AKAP6: variants seen among roughly 807,000 people sequenced by gnomAD.
The protein encoded by AKAP6 is A-kinase anchor protein 6.
In AKAP6, 58 loss-of-function variants were observed where a neutral mutation model predicts 188.5. The ratio of observed to expected loss-of-function variants is 0.31; its 90% CI spans 0.25 to 0.38. The LOEUF (loss-of-function observed/expected upper bound fraction) is 0.38. AKAP6 is among the 10% of genes least tolerant of loss of function. The pLI is 1.00. For synonymous variants in AKAP6, 989 were observed against 998.6 expected (o/e 0.99, Z 0.18); for missense variants, 2,710 against 2,740.0 (o/e 0.99, Z 0.24).
chr14:32,691,421 T>C (rs1246071759), intron 8 of AKAP6, among the ~76,000 whole-genome samples: 1 of 152,180 alleles, frequency 6.6e-6, no homozygotes, highest in Non-Finnish European at 1.5e-5. Context: ...AAACACACCT[T>C]TGCAGCTAAT....
At chr14:32,477,623 A>G (rs112944041) in intron 2 of AKAP6, among the ~76,000 whole-genome samples, 3 of 152,346 alleles carry the variant, frequency 2.0e-5, no homozygotes, top group East Asian at 1.9e-4. Context: ...ACGGTGTTGT[A>G]TCACCGACTT....
intron 12 of AKAP6, among the ~76,000 whole-genome samples, chr14:32,787,963 C>T (rs941332282): frequency 1.4e-5 from 2 of 147,902 alleles, no homozygotes; most frequent in Non-Finnish European, 3.0e-5. Context: ...ACTGCTTGAG[C>T]CCAGGAGTTC....
At chr14:32,490,160 A>C (rs562354793) in intron 2 of AKAP6, among the ~76,000 whole-genome samples, 1 of 150,484 alleles carries the variant, frequency 6.6e-6, no homozygotes, top group Non-Finnish European at 1.5e-5. Context: ...GGCAGAACAA[A>C]TCACAATGGT....
chr14:32,372,612 C>T (rs1594551666), intron 1 of AKAP6, among the ~76,000 whole-genome samples: 1 of 150,052 alleles, frequency 6.7e-6, no homozygotes, highest in East Asian at 2.0e-4. Context: ...GAGGAACTGG[C>T]AAGATTCAGA....
In AKAP6 at chr14:32,678,379, C is replaced by T. The variant is rs1889525746; in HGVS notation, c.2799C>T (p.Tyr933=). 2.5e-6 allele frequency: 4 copies of T among 1,613,870 alleles called. No individual in the cohort carries two copies. The highest frequency in any genetic ancestry group is 2.2e-5 in the South Asian group (2 of 91,066). The change falls in exon 8 of 14, where the codon TAC becomes TAT. Residue 933 remains tyrosine (Y), a synonymous_variant. Coordinates refer to ENST00000280979, the MANE Select transcript of AKAP6 (RefSeq NM_004274.5). ...TTGAGCAGATGTCCCTCAAGCTGTA[C>T]AGCGAGCAGTATACCAGCAGCAGCA... ...DAVEQMSLKL[Y]SEQYTSSSKR... is the part of the protein sequence containing the mutation.
chr14:32,501,399 G>C (rs1018584201), intron 2 of AKAP6, among the ~76,000 whole-genome samples: 22 of 152,046 alleles, frequency 1.4e-4, no homozygotes, highest in African/African-American at 5.3e-4. Context: ...TCAGAATCCA[G>C]TCAGCAGACA....
intron 4 of AKAP6, among the ~76,000 whole-genome samples, chr14:32,563,569 T>A (rs889725863): frequency 2.0e-5 from 3 of 152,144 alleles, no homozygotes; most frequent in South Asian, 4.1e-4. Context: ...ACCACCTTGT[T>A]TTTTCCTTCC....
In AKAP6 at chr14:32,502,762, G is replaced by A. The variant is rs139802609; in HGVS notation, c.325-32792G>A. Among the ~76,000 whole-genome samples the A allele has an allele frequency of 8.8e-3, 1,331 of 152,024 alleles. 10 individuals are homozygous for A. The highest frequency in any genetic ancestry group is 0.019 in the African/African-American group (785 of 41,486). ...TTATACACCATGAAGATCTTTCTGC[G>A]TCAGAATATAAAGTCTTCTTATTAT... is the stretch of plus-strand genomic sequence containing the variant. On this transcript the variant is annotated intron_variant, in intron 2 of 13. Transcript: ENST00000280979.
At chr14:32,602,763 A>T (rs1885980850) in intron 7 of AKAP6, among the ~76,000 whole-genome samples, 1 of 152,162 alleles carries the variant, frequency 6.6e-6, no homozygotes, top group African/African-American at 2.4e-5. Context: ...TTAATCCCCG[A>T]TGGAGAAAAG....
intron 4 of AKAP6, among the ~76,000 whole-genome samples, chr14:32,571,666 A>T (rs1353566763): frequency 1.3e-5 from 2 of 152,212 alleles, no homozygotes; most frequent in African/African-American, 2.4e-5. Context: ...TTCTCTGTCC[A>T]CTAATAAATA....
chr14:32,804,158 T>A (rs933657434), intron 12 of AKAP6, among the ~76,000 whole-genome samples: 3 of 152,222 alleles, frequency 2.0e-5, no homozygotes, highest in African/African-American at 7.2e-5. Flanking sequence ...TTCCTATTCT[T>A]ATCAGTACCA....
intron 12 of AKAP6, among the ~76,000 whole-genome samples, chr14:32,819,725 G>T (rs1249239495): frequency 6.6e-6 from 1 of 152,066 alleles, no homozygotes; most frequent in African/African-American, 2.4e-5. Flanking sequence ...CAAAGTGGGA[G>T]GATCACTTGA....
chr14:32,750,896 G>A (rs1248415589), intron 11 of AKAP6, among the ~76,000 whole-genome samples: 5 of 151,318 alleles, frequency 3.3e-5, no homozygotes, highest in Admixed American at 1.3e-4. Context: ...CACCATGCCC[G>A]GCTAATTTTT....
Position 32,568,790 on chromosome 14 carries a change from G to A in AKAP6, c.2347-8330G>A, listed in dbSNP as rs1884324530. ...AGTAATATTGTATCATAGGGTTGTTGTAAGGATTATGTAAGTGCCTGGTGT... is the reference window on the plus strand; with the variant it reads ...AGTAATATTGTATCATAGGGTTGTTATAAGGATTATGTAAGTGCCTGGTGT... On this transcript the variant is annotated intron_variant, in intron 4 of 13. Transcript: ENST00000280979. The surrounding 1 kb of genome is among the most constrained non-coding windows in gnomAD (Gnocchi z 6.2). Among the ~76,000 whole-genome samples the A allele has an allele frequency of 6.6e-6, 1 of 152,158 alleles. No individual in the cohort carries two copies. The highest frequency in any genetic ancestry group is 2.4e-5 in the African/African-American group (1 of 41,450).
At position 32,836,267 on chromosome 14, in the gene AKAP6, G is replaced by C. The variant is rs1249152336; in HGVS notation, c.*6462G>C. 1.3e-5 allele frequency: 2 copies of C among 152,286 alleles called. No individual in the cohort carries two copies. Among genetic ancestry groups the C allele is most frequent in the African/African-American group, 4.8e-5 (2 of 41,406 alleles). 9.4% of individuals were successfully genotyped at this position (152,286 alleles called of 1,614,324 possible). ...GAAGTTCAAGATCAAGATGCTAGCAGATTCAGTGTCTGAGGAGGGCTCACT... is the reference window on the plus strand; with the variant it reads ...GAAGTTCAAGATCAAGATGCTAGCACATTCAGTGTCTGAGGAGGGCTCACT... On this transcript the variant is annotated 3_prime_UTR_variant, in exon 14 of 14. Coordinates refer to ENST00000280979, the MANE Select transcript of AKAP6 (RefSeq NM_004274.5).
At chr14:32,740,950 G>T (rs1185320184) in intron 11 of AKAP6, among the ~76,000 whole-genome samples, 2 of 151,212 alleles carry the variant, frequency 1.3e-5, no homozygotes, top group African/African-American at 4.9e-5. Context: ...AGATTGCTTT[G>T]GATAGTATGG....
chr14:32,354,279 G>T (rs1229693689), intron 1 of AKAP6, among the ~76,000 whole-genome samples: 3 of 149,452 alleles, frequency 2.0e-5, no homozygotes, highest in African/African-American at 5.0e-5. Context: ...CAATGGAACA[G>T]AACAGAGCCC....
chr14:32,723,725 A>G (rs899717759), intron 9 of AKAP6, among the ~76,000 whole-genome samples: 1 of 152,164 alleles, frequency 6.6e-6, no homozygotes, highest in Non-Finnish European at 1.5e-5. Context: ...CATCCTCCAC[A>G]GTTCACACTA....
At chr14:32,432,925 C>T (rs932366627) in intron 1 of AKAP6, among the ~76,000 whole-genome samples, 2 of 152,180 alleles carry the variant, frequency 1.3e-5, no homozygotes, top group African/African-American at 2.4e-5. Context: ...GTCCTCTACC[C>T]GTCATACGCA....
Sources: allele counts gnomAD v4.1 joint callset (sites outside exome capture counted in the v4.1 genomes callset), GRCh38; gene constraint gnomAD v4.1.1; non-coding constraint Gnocchi (gnomAD v3.1); transcripts MANE v1.5; gene names NCBI Gene and HGNC (gene_info 2026-07-23, HGNC 2026-07-21).